Variants in PBLD observed in about 807,000 individuals in gnomAD.
The protein encoded by PBLD is phenazine biosynthesis like protein domain containing.
A neutral mutation model predicts 31.3 loss-of-function variants in PBLD; 26 were observed. The observed-to-expected ratio is 0.83, with a 90% CI of 0.61 to 1.15. The LOEUF (loss-of-function observed/expected upper bound fraction) is 1.15, where lower values mean the gene tolerates loss of function less well. Among genes scored for constraint, PBLD ranks in the 50% most tolerant of loss-of-function variants. The probability of loss-of-function intolerance (pLI) is 0.00; values close to 1 mark genes in which losing one functional copy is unlikely to be tolerated. For missense variants in PBLD, 307 were observed against 351.7 expected, an observed-to-expected ratio of 0.87 and a Z score of 1.02; for synonymous variants, 114 against 129.0, an observed-to-expected ratio of 0.88 and a Z score of 0.79.
At chr10:68,286,085 C>CTTTTTTTTTT (rs71009034) in intron 8 of PBLD, among the ~76,000 whole-genome samples, 62 of 103,426 alleles carry the variant, frequency 6.0e-4, no homozygotes, top group Non-Finnish European at 8.7e-4. Flanking sequence ...TTGAATAATT[C>CTTTTTTTTTT]TTTTTTTTTT....
intron 9 of PBLD, 73 bp from the exon 10 acceptor site, chr10:68,284,362 AT>A (rs1393631314): frequency 7.6e-7 from 1 of 1,318,746 alleles, no homozygotes; most frequent in African/African-American, 1.5e-5. Flanking sequence ...TGAAAGACTT[AT>A]TACAAATCTT....
intron 9 of PBLD, chr10:68,285,102 T>C (rs1027718331): frequency 1.5e-6 from 2 of 1,311,630 alleles, no homozygotes; most frequent in African/African-American, 1.5e-5. Flanking sequence ...AGCTATTTTA[T>C]TCAACAAACA....
chr10:68,289,242 T>A (rs2044326359), intron 6 of PBLD, among the ~76,000 whole-genome samples: 1 of 152,054 alleles, frequency 6.6e-6, no homozygotes, highest in Non-Finnish European at 1.5e-5. Flanking sequence ...AAAACAGGCA[T>A]TGTGGCCAGG....
At chr10:68,301,916 C>T (rs2044510667) in intron 2 of PBLD, among the ~76,000 whole-genome samples, 1 of 152,134 alleles carries the variant, frequency 6.6e-6, no homozygotes, top group African/African-American at 2.4e-5. Flanking sequence ...AAAAAATGCA[C>T]CTGCTATTTG....
At chr10:68,287,970 T>C (rs2044309616) in intron 8 of PBLD, 1 of 152,682 alleles carries the variant, frequency 6.5e-6, no homozygotes, top group Non-Finnish European at 1.5e-5. Flanking sequence ...GGCAGGAGAA[T>C]CACTTGAACC....
intron 2 of PBLD, among the ~76,000 whole-genome samples, chr10:68,301,229 A>T (rs2044502111): frequency 6.6e-6 from 1 of 152,192 alleles, no homozygotes; most frequent in African/African-American, 2.4e-5. Flanking sequence ...AAACTTTAAC[A>T]TAATGGACAC....
At chr10:68,305,907 A>G (rs543424533) in intron 2 of PBLD, among the ~76,000 whole-genome samples, 2 of 152,180 alleles carry the variant, frequency 1.3e-5, no homozygotes, top group Non-Finnish European at 2.9e-5. Context: ...CCCAACACAC[A>G]CTTTGCCCAA....
chr10:68,298,549 G>A (rs2044462204), intron 2 of PBLD, among the ~76,000 whole-genome samples: 1 of 152,110 alleles, frequency 6.6e-6, no homozygotes, highest in South Asian at 2.1e-4. Flanking sequence ...AAACTTTTCT[G>A]TAGGTTTTTA....
Position 68,285,114 on chromosome 10 carries a change from T to A in PBLD, c.754+234A>T, listed in dbSNP as rs2044269951. 3 of 1,327,162 alleles carry A rather than the reference T, an allele frequency of 2.3e-6. No homozygotes were observed. The South Asian group carries it at 6.9e-5, about 31-fold the overall frequency. The allele number at this position is 1,327,162 out of a possible 1,614,324, so 82.2% of individuals were successfully genotyped here. On this transcript the variant is annotated intron_variant, in intron 9 of 9. Transcript: ENST00000358769. ...TACAGCTATTTTATTCAACAAACACTTATTGGGCAGTTACTGTATCTGTGT... is the reference window on the plus strand; with the variant it reads ...TACAGCTATTTTATTCAACAAACACATATTGGGCAGTTACTGTATCTGTGT...
In PBLD at chr10:68,306,051, G is replaced by A. The variant is rs115286230; in HGVS notation, c.84+710C>T. ...CTTACCTTGTTTCTCACTACTTAGG[G>A]ACCAACACAAGGTCAATATTCCTTG... On this transcript the variant is annotated intron_variant, in intron 2 of 9. Transcript: ENST00000358769. Among the ~76,000 whole-genome samples, 518 of 152,032 alleles carry A rather than the reference G, an allele frequency of 3.4e-3. 3 individuals carry two copies. Among genetic ancestry groups the A allele is most frequent in the African/African-American group, 0.012 (486 of 41,470 alleles).
chr10:68,293,522 T>C (rs528769830), intron 4 of PBLD, among the ~76,000 whole-genome samples: 2 of 152,348 alleles, frequency 1.3e-5, no homozygotes, highest in African/African-American at 2.4e-5. Flanking sequence ...TTAACTTTTA[T>C]TGAGCATAAA....
intron 1 of PBLD, among the ~76,000 whole-genome samples, chr10:68,318,990 GGAAA>G (rs2044776954): frequency 1.4e-5 from 2 of 145,688 alleles, no homozygotes; most frequent in East Asian, 2.0e-4. Flanking sequence ...AAGGAAGTTA[GGAAA>G]GAAAGAGAGA....
Position 68,332,849 on chromosome 10 carries a change from G to C in PBLD, c.-125C>G, listed in dbSNP as rs1049345956. The stretch of plus-strand genomic sequence containing the variant: ...CCAAGATGAGAGAGGCTGGAGCTGG[G>C]GGAGGAAAGCCAATGGCGACGAAGG... On this transcript the variant is annotated 5_prime_UTR_variant, in exon 1 of 10. Coordinates refer to ENST00000358769, the MANE Select transcript of PBLD (RefSeq NM_022129.4). The C allele has an allele frequency of 6.6e-6, 1 of 152,370 alleles. No individual in the cohort carries two copies. Among genetic ancestry groups the C allele is most frequent in the Non-Finnish European group, 1.5e-5 (1 of 68,150 alleles). 9.4% of individuals were successfully genotyped at this position (152,370 alleles called of 1,614,324 possible).
chr10:68,292,954 G>A (rs2044378956), intron 4 of PBLD, among the ~76,000 whole-genome samples: 2 of 151,512 alleles, frequency 1.3e-5, no homozygotes, highest in Admixed American at 6.6e-5. Context: ...TTGACCTCCT[G>A]AGCTCAAGCA....
At chr10:68,303,592 A>T (rs2044535353) in intron 2 of PBLD, among the ~76,000 whole-genome samples, 1 of 143,832 alleles carries the variant, frequency 7.0e-6, no homozygotes, top group African/African-American at 2.5e-5. Context: ...TCAAAAAAAT[A>T]AAAATTAAAA....
At chr10:68,322,659 G>A (rs1477851934) in intron 1 of PBLD, among the ~76,000 whole-genome samples, 4 of 147,442 alleles carry the variant, frequency 2.7e-5, no homozygotes, top group Non-Finnish European at 6.0e-5. Context: ...GCGAGACCCT[G>A]TCTCAAAAAA....
rs2044248680 is a variant in PBLD at position 68,283,070 on chromosome 10, G to A, written c.*1107C>T. The A allele has an allele frequency of 6.7e-6, 1 of 148,918 alleles. No homozygotes were observed. The highest frequency in any genetic ancestry group is 2.0e-4 in the East Asian group (1 of 5,102). 9.2% of individuals were successfully genotyped at this position (148,918 alleles called of 1,614,324 possible). A position where few individuals can be genotyped will look rare whatever the true frequency, so the allele number is the denominator to read the frequency against. On this transcript the variant is annotated 3_prime_UTR_variant, in exon 10 of 10. Transcript: ENST00000358769. ...CATTCCTTTTTTTTTTTTTAATAGAGACAAGTTCTCGCTGTGTTGCCCAGG... is the reference window on the plus strand; with the variant it reads ...CATTCCTTTTTTTTTTTTTAATAGAAACAAGTTCTCGCTGTGTTGCCCAGG...
chr10:68,308,437 T>A (rs1228789292), intron 1 of PBLD, among the ~76,000 whole-genome samples: 1 of 152,236 alleles, frequency 6.6e-6, no homozygotes, highest in East Asian at 1.9e-4. Flanking sequence ...AACAGTTAAA[T>A]TTATCTGCAG....
Position 68,288,656 on chromosome 10 carries a change from A to T in PBLD, c.518T>A (p.Phe173Tyr). ...CGTGTTCACTTTCAGGTTCTCCAGA[A>T]ACGACCTTGTTCATAAACAAGATGG... is the stretch of plus-strand genomic sequence containing the variant. ...VRLSDVYNRS[F>Y]LENLKVNTEN... is the part of the protein sequence containing the mutation. Residue 173 changes from phenylalanine (F) to tyrosine (Y), a missense_variant, in exon 8 of 10, where the codon TTT (phenylalanine) becomes TAT (tyrosine). Phe to Tyr is a conservative substitution (Grantham distance 22). Coordinates refer to ENST00000358769, the MANE Select transcript of PBLD (RefSeq NM_022129.4). 6.2e-7 allele frequency: 1 copy of T among 1,613,826 alleles called. No individual in the cohort carries two copies. Among genetic ancestry groups the T allele is most frequent in the Non-Finnish European group, 8.5e-7 (1 of 1,179,890 alleles).
Sources: gnomAD v4.1 joint callset for allele counts (sites outside exome capture counted in the v4.1 genomes callset) on GRCh38, gnomAD v4.1.1 for gene constraint, MANE v1.5 for transcripts, NCBI Gene and HGNC (gene_info 2026-07-23, HGNC 2026-07-21) for gene names.